The following SLC2A9 variants were observed in gnomAD, a reference collection of about 807,000 sequenced individuals.
The protein encoded by SLC2A9 is solute carrier family 2, facilitated glucose transporter member 9.
In SLC2A9, 39 loss-of-function variants were observed where a neutral mutation model predicts 50.6. The ratio of observed to expected loss-of-function variants is 0.77; its 90% CI spans 0.60 to 1.01. SLC2A9 has a LOEUF of 1.01. Ranked by LOEUF, SLC2A9 falls within the 50% of genes least tolerant of loss-of-function variation. SLC2A9 has a pLI of 0.00. For missense variants in SLC2A9, 686 were observed against 677.6 expected (o/e 1.01, Z -0.14); for synonymous variants, 324 against 276.9 (o/e 1.17, Z -1.69).
intron 1 of SLC2A9, among the ~76,000 whole-genome samples, chr4:10,029,913 G>A (rs1454267431): frequency 1.3e-5 from 2 of 152,154 alleles, no homozygotes; most frequent in Admixed American, 6.5e-5. Context: ...TGGGATTACA[G>A]GTGTGAGCCA....
At chr4:9,887,710 C>T (rs1415136645) in intron 9 of SLC2A9, 68 bp from the exon 10 acceptor site, 5 of 1,257,912 alleles carry the variant, frequency 4.0e-6, no homozygotes, top group Non-Finnish European at 5.3e-6. Context: ...AGTTCCCACC[C>T]CAGCTCCTCC....
intron 8 of SLC2A9, among the ~76,000 whole-genome samples, chr4:9,900,043 G>T (rs1256699905): frequency 6.6e-6 from 1 of 152,138 alleles, no homozygotes; most frequent in Non-Finnish European, 1.5e-5. Flanking sequence ...TATTGTTCTT[G>T]GAAATTTGGG....
At chr4:9,952,078 C>T (rs1008647554) in intron 5 of SLC2A9, among the ~76,000 whole-genome samples, 1 of 152,202 alleles carries the variant, frequency 6.6e-6, no homozygotes, top group African/African-American at 2.4e-5. Flanking sequence ...GGTCCTGCCA[C>T]TTACTGATTG....
chr4:10,018,876 G>A (rs995058612), intron 2 of SLC2A9, 99 bp downstream of exon 2: 12 of 1,194,096 alleles, frequency 1.0e-5, no homozygotes, highest in Non-Finnish European at 1.4e-5. Flanking sequence ...CCCGCGCCGC[G>A]AGCGCAACAG....
intron 6 of SLC2A9, among the ~76,000 whole-genome samples, chr4:9,929,581 C>A (rs1174005448): frequency 6.6e-6 from 1 of 152,216 alleles, no homozygotes; most frequent in Non-Finnish European, 1.5e-5. Flanking sequence ...AACATTGGCC[C>A]ATACCTGAGC....
At chr4:9,810,888 A>T (rs1722798601) in intron 3 of SLC2A9, among the ~76,000 whole-genome samples, 1 of 152,172 alleles carries the variant, frequency 6.6e-6, no homozygotes, top group African/African-American at 2.4e-5. Context: ...TTAGGCTCTC[A>T]CCGCTGATCA....
chr4:9,802,396 C>T (rs1721549621), intron 3 of SLC2A9, among the ~76,000 whole-genome samples: 1 of 151,864 alleles, frequency 6.6e-6, no homozygotes, highest in Non-Finnish European at 1.5e-5. Flanking sequence ...CAGCGCCTCC[C>T]CAGGACATTC....
At chr4:9,966,860 T>C (rs1753129205) in intron 5 of SLC2A9, among the ~76,000 whole-genome samples, 1 of 152,208 alleles carries the variant, frequency 6.6e-6, no homozygotes, top group South Asian at 2.1e-4. Flanking sequence ...TTTTGAGGTT[T>C]CCTTTTGCAC....
chr4:9,774,271 G>T (rs1012637790), intron 1 of SLC2A9, among the ~76,000 whole-genome samples: 1 of 152,094 alleles, frequency 6.6e-6, no homozygotes, highest in African/African-American at 2.4e-5. Context: ...GGGATTAAAG[G>T]CGTGAGCCAC....
At chr4:10,005,655 C>T (rs1760664017) in intron 2 of SLC2A9, among the ~76,000 whole-genome samples, 1 of 152,162 alleles carries the variant, frequency 6.6e-6, no homozygotes, top group African/African-American at 2.4e-5. Context: ...TAACTACAGC[C>T]TAAACTGCAA....
intron 10 of SLC2A9, among the ~76,000 whole-genome samples, chr4:9,860,792 G>A (rs1560203954): frequency 6.6e-6 from 1 of 152,184 alleles, no homozygotes; most frequent in Non-Finnish European, 1.5e-5. Flanking sequence ...ACAACCCCGG[G>A]AAGTCCTCCC....
chr4:9,980,865 C>T (rs2109089858), intron 4 of SLC2A9, 128 bp from the exon 5 acceptor site: 1 of 1,244,522 alleles, frequency 8.0e-7, no homozygotes, highest in African/African-American at 1.5e-5. Flanking sequence ...CGGCATTTTT[C>T]CCAGCACTTA....
At chr4:9,949,362 A>C (rs758405645) in intron 5 of SLC2A9, among the ~76,000 whole-genome samples, 13 of 152,238 alleles carry the variant, frequency 8.5e-5, no homozygotes, top group Non-Finnish European at 1.8e-4. Context: ...GAAACGACAG[A>C]CACTCCTGCT....
chr4:9,871,530 C>T (rs534662909), intron 10 of SLC2A9, among the ~76,000 whole-genome samples: 1 of 152,288 alleles, frequency 6.6e-6, no homozygotes, highest in South Asian at 2.1e-4. Flanking sequence ...ATCTCTGCCT[C>T]CACCTTCATA....
intron 5 of SLC2A9, among the ~76,000 whole-genome samples, chr4:9,947,254 GTT>G (rs1213764717): frequency 6.6e-6 from 1 of 152,230 alleles, no homozygotes; most frequent in Non-Finnish European, 1.5e-5. Flanking sequence ...CGTCCTTGCA[GTT>G]GTCCTAGCCT....
intron 6 of SLC2A9, among the ~76,000 whole-genome samples, chr4:9,925,007 T>TG (rs1276699343): frequency 2.0e-5 from 3 of 152,186 alleles, no homozygotes; most frequent in Non-Finnish European, 4.4e-5. Flanking sequence ...GTCTTGCCCT[T>TG]GCCAGCAGGA....
chr4:9,937,767 G>A (rs991575893), intron 6 of SLC2A9, among the ~76,000 whole-genome samples: 2 of 152,238 alleles, frequency 1.3e-5, no homozygotes, highest in Non-Finnish European at 2.9e-5. Flanking sequence ...TGAAGAGCCA[G>A]CTGATCACCC....
intron 5 of SLC2A9, among the ~76,000 whole-genome samples, chr4:9,962,096 C>A (rs534291353): frequency 6.6e-6 from 1 of 152,048 alleles, no homozygotes; most frequent in Admixed American, 6.6e-5. Flanking sequence ...TGGAGAGATA[C>A]GAATGCTTTT....
chr4:9,886,827 T>C (rs1736361245), intron 10 of SLC2A9, among the ~76,000 whole-genome samples: 1 of 152,182 alleles, frequency 6.6e-6, no homozygotes, highest in Non-Finnish European at 1.5e-5. Context: ...CTGCTGGACG[T>C]GGACACAGGG....
Sources: allele counts gnomAD v4.1 joint callset (sites outside exome capture counted in the v4.1 genomes callset), GRCh38; gene constraint gnomAD v4.1.1; transcripts MANE v1.5; gene names NCBI Gene and HGNC (gene_info 2026-07-23, HGNC 2026-07-21).